Variants in SCFD1 observed in about 807,000 individuals in gnomAD.
The protein encoded by SCFD1 is sec1 family domain containing 1.
SCFD1 carries 37 observed loss-of-function variants against 103.2 expected under a neutral mutation model. That is an observed-to-expected ratio of 0.36 (90% CI 0.28 to 0.47). The LOEUF is 0.47. Ranked by LOEUF, SCFD1 falls within the 20% of genes least tolerant of loss-of-function variation. The pLI is 1.00. For synonymous variants in SCFD1, 264 were observed against 245.0 expected (o/e 1.08, Z -0.73); for missense variants, 639 against 761.2 (o/e 0.84, Z 1.89).
chr14:30,627,968 C>T (rs890945099), intron 1 of SCFD1, among the ~76,000 whole-genome samples: 1 of 151,902 alleles, frequency 6.6e-6, no homozygotes, highest in African/African-American at 2.4e-5. Flanking sequence ...ACATTTCCCG[C>T]GATTTCATCT....
intron 21 of SCFD1, among the ~76,000 whole-genome samples, chr14:30,721,281 C>T (rs931345704): frequency 1.3e-5 from 2 of 152,030 alleles, no homozygotes; most frequent in African/African-American, 4.8e-5. Context: ...TCTAAGTTGT[C>T]CTTTTAAGTC....
intron 7 of SCFD1, among the ~76,000 whole-genome samples, chr14:30,644,319 T>C (rs1368652407): frequency 6.6e-6 from 1 of 152,180 alleles, no homozygotes; most frequent in African/African-American, 2.4e-5. Flanking sequence ...TATGGGTAGA[T>C]GTGTCTTTTT....
intron 16 of SCFD1, among the ~76,000 whole-genome samples, chr14:30,700,655 CAG>C (rs1420348599): frequency 6.6e-6 from 1 of 151,912 alleles, no homozygotes; most frequent in African/African-American, 2.4e-5. Flanking sequence ...GCCTGGGTGA[CAG>C]AGCAATACTC....
chr14:30,699,608 A>T (rs1333351529), intron 15 of SCFD1, among the ~76,000 whole-genome samples: 1 of 152,170 alleles, frequency 6.6e-6, no homozygotes, highest in Non-Finnish European at 1.5e-5. Flanking sequence ...CAATTTTTTT[A>T]ATAAAAATAT....
At chr14:30,634,121 A>G in intron 4 of SCFD1, 84 bp downstream of exon 4, 1 of 722,638 alleles carries the variant, frequency 1.4e-6, no homozygotes, top group Non-Finnish European at 2.3e-6. Flanking sequence ...TCCAGGGTGA[A>G]AAATCAGAAA....
intron 10 of SCFD1, among the ~76,000 whole-genome samples, chr14:30,662,201 A>G (rs866430119): frequency 1.3e-5 from 2 of 152,242 alleles, no homozygotes; most frequent in Non-Finnish European, 2.9e-5. Flanking sequence ...TCCCCAAACT[A>G]TTTAACTCCT....
chr14:30,702,206 T>G, intron 16 of SCFD1, 90 bp from the exon 17 acceptor site: 2 of 828,768 alleles, frequency 2.4e-6, no homozygotes, highest in Non-Finnish European at 1.9e-6. Flanking sequence ...CTCATGCCTT[T>G]GGTCTTACTT....
chr14:30,668,206 G>C lies in SCFD1; in HGVS notation c.856-2050G>C, dbSNP rs1888196909. On this transcript the variant is annotated intron_variant, in intron 10 of 24. Coordinates refer to ENST00000458591, the MANE Select transcript of SCFD1 (RefSeq NM_016106.4). ...GTACTGGTACCAAAACAGAGATATA[G>C]ACCAGTGGAACAGAACAGAGGCCTC... is the stretch of plus-strand genomic sequence containing the variant. Among the ~76,000 whole-genome samples the C allele has an allele frequency of 2.0e-5, 3 of 152,226 alleles. No individual in the cohort carries two copies. In the South Asian group the frequency reaches 6.2e-4, roughly 32 times the overall value.
chr14:30,717,309 C>CTACAAAAAA (rs1002685087), intron 20 of SCFD1, among the ~76,000 whole-genome samples: 16 of 152,154 alleles, frequency 1.1e-4, no homozygotes, highest in African/African-American at 3.4e-4. Flanking sequence ...AACCCTGTCT[C>CTACAAAAAA]TACAAAAAAT....
At position 30,638,209 on chromosome 14, in the gene SCFD1, G is replaced by A; in HGVS notation, c.397G>A (p.Ala133Thr). 2.5e-6 allele frequency: 4 copies of A among 1,612,650 alleles called. No homozygotes were observed. The highest frequency in any genetic ancestry group is 3.4e-6 in the Non-Finnish European group (4 of 1,179,374). ...SRSKLEDIAN[A>T]ALAASAVTQV... ...AAGTAAACTGGAAGATATTGCAAAT[G>A]CAGCGTTAGCAGCTAGTGCAGTAAC... The change falls in exon 5 of 25, where the codon GCA (alanine) becomes ACA (threonine). Residue 133 changes from alanine (A) to threonine (T), a missense_variant. Transcript: ENST00000458591.
chr14:30,721,324 G>T (rs1339513071), intron 21 of SCFD1, among the ~76,000 whole-genome samples: 1 of 129,732 alleles, frequency 7.7e-6, no homozygotes, highest in East Asian at 2.1e-4. Flanking sequence ...ACTCAAATAT[G>T]TAAGTCTAGA....
intron 3 of SCFD1, among the ~76,000 whole-genome samples, chr14:30,632,261 G>C (rs1319778626): frequency 6.6e-6 from 1 of 151,974 alleles, no homozygotes; most frequent in Non-Finnish European, 1.5e-5. Context: ...TTTTCGATAA[G>C]TAACTTGACA....
intron 5 of SCFD1, among the ~76,000 whole-genome samples, chr14:30,638,730 C>T (rs1445836426): frequency 6.6e-6 from 1 of 152,144 alleles, no homozygotes. Flanking sequence ...GAACCCATGA[C>T]AGGCCTGCAA....
intron 1 of SCFD1, among the ~76,000 whole-genome samples, chr14:30,625,140 C>T (rs191598212): frequency 2.6e-5 from 4 of 152,018 alleles, no homozygotes; most frequent in East Asian, 3.9e-4. Context: ...TGAGGACAGG[C>T]GATTTTATTC....
At chr14:30,719,543 A>G (rs1480164675) in intron 21 of SCFD1, among the ~76,000 whole-genome samples, 166 bp downstream of exon 21, 1 of 152,230 alleles carries the variant, frequency 6.6e-6, no homozygotes, top group African/African-American at 2.4e-5. Flanking sequence ...TAGTAATGAT[A>G]CTTGGCATTC....
chr14:30,730,277 G>T (rs560318437), intron 23 of SCFD1, among the ~76,000 whole-genome samples: 8 of 152,144 alleles, frequency 5.3e-5, no homozygotes, highest in Admixed American at 2.0e-4. Flanking sequence ...ATTTGGGTTG[G>T]TTCCAAGTCT....
intron 23 of SCFD1, among the ~76,000 whole-genome samples, chr14:30,725,574 AAGCTT>A (rs1267873739): frequency 6.6e-6 from 1 of 152,146 alleles, no homozygotes; most frequent in Non-Finnish European, 1.5e-5. Context: ...TCAGCTTAAG[AAGCTT>A]TTGGGCTGAG....
chr14:30,639,353 TC>T (rs1885043598), intron 5 of SCFD1, among the ~76,000 whole-genome samples: 1 of 152,210 alleles, frequency 6.6e-6, no homozygotes, highest in Admixed American at 6.5e-5. Context: ...ACTCTGCACT[TC>T]CAAAGAACTG....
chr14:30,707,860 T>C, intron 18 of SCFD1, 130 bp from the exon 19 acceptor site: 1 of 761,310 alleles, frequency 1.3e-6, no homozygotes, highest in Non-Finnish European at 2.4e-6. Context: ...CCCTTCTGTT[T>C]AGTGAAAACA....
Sources: allele counts gnomAD v4.1 joint callset (sites outside exome capture counted in the v4.1 genomes callset), GRCh38; gene constraint gnomAD v4.1.1; transcripts MANE v1.5; gene names NCBI Gene and HGNC (gene_info 2026-07-23, HGNC 2026-07-21).